CMPK1: variants seen among roughly 807,000 people sequenced by gnomAD.
The protein encoded by CMPK1 is cytidine/uridine monophosphate kinase 1.
CMPK1 carries 10 observed loss-of-function variants against 25.7 expected under a neutral mutation model. That is an observed-to-expected ratio of 0.39 (90% CI 0.24 to 0.66). The LOEUF is 0.66. Among genes scored for constraint, CMPK1 ranks in the 30% least tolerant of loss-of-function variants. The pLI is 0.48. For synonymous variants in CMPK1, 106 were observed against 101.5 expected (o/e 1.04, Z -0.27); for missense variants, 199 against 280.5 (o/e 0.71, Z 2.08).
chr1:47,343,119 T>A (rs1202386190), intron 1 of CMPK1, among the ~76,000 whole-genome samples: 1 of 151,602 alleles, frequency 6.6e-6, no homozygotes, highest in Non-Finnish European at 1.5e-5. Flanking sequence ...CCCGAGTAGC[T>A]GAGAATACAG....
Position 47,358,392 on chromosome 1 carries a change from C to T in CMPK1, c.172-10077C>T, listed in dbSNP as rs1387575544. ...CCTTCCAAAGTGCTGAGATTACAGG[C>T]ATGAGCCACAGTGCGTAGTCCCTGT... On this transcript the variant is annotated intron_variant, in intron 1 of 5. Transcript: ENST00000371873. 3.1e-6 allele frequency: 4 copies of T among 1,273,386 alleles called. No homozygotes were observed. The African/African-American group carries it at 6.2e-5, about 20-fold the overall frequency. The allele number at this position is 1,273,386 out of a possible 1,614,324, so 78.9% of individuals were successfully genotyped here. A position where few individuals can be genotyped will look rare whatever the true frequency, so the allele number is the denominator to read the frequency against.
intron 1 of CMPK1, among the ~76,000 whole-genome samples, chr1:47,348,109 G>C (rs1646497531): frequency 6.6e-6 from 1 of 152,150 alleles, no homozygotes; most frequent in Admixed American, 6.6e-5. Flanking sequence ...AGTCACGTAG[G>C]AGTACAGTAT....
At chr1:47,371,729 G>A (rs1646679029) in intron 2 of CMPK1, among the ~76,000 whole-genome samples, 1 of 152,128 alleles carries the variant, frequency 6.6e-6, no homozygotes, top group Non-Finnish European at 1.5e-5. Context: ...CTTTCACTAT[G>A]CTCATGCTGC....
chr1:47,337,811 CTA>C, intron 1 of CMPK1, among the ~76,000 whole-genome samples: 1 of 152,016 alleles, frequency 6.6e-6, no homozygotes, highest in African/African-American at 2.4e-5. Context: ...CGGGGTTTCA[CTA>C]TGTTGGCCAG....
chr1:47,357,925 G>A (rs1646573785), intron 1 of CMPK1, among the ~76,000 whole-genome samples: 1 of 151,970 alleles, frequency 6.6e-6, no homozygotes, highest in Non-Finnish European at 1.5e-5. Flanking sequence ...ACAGGAACTT[G>A]GGGCACGTTC....
chr1:47,343,896 A>AT (rs1646463503), intron 1 of CMPK1, among the ~76,000 whole-genome samples: 1 of 152,062 alleles, frequency 6.6e-6, no homozygotes, highest in Non-Finnish European at 1.5e-5. Context: ...CAAAAAAAAA[A>AT]AAAAGCCCAT....
At chr1:47,362,461 C>A (rs932517641) in intron 1 of CMPK1, among the ~76,000 whole-genome samples, 1 of 151,706 alleles carries the variant, frequency 6.6e-6, no homozygotes, top group African/African-American at 2.4e-5. Flanking sequence ...AACCACCACG[C>A]CCAGCCTGGA....
intron 2 of CMPK1, among the ~76,000 whole-genome samples, chr1:47,369,706 C>T (rs1013463914): frequency 6.6e-6 from 1 of 151,276 alleles, no homozygotes; most frequent in Non-Finnish European, 1.5e-5. Flanking sequence ...GGACTACAGG[C>T]GTGCACCACC....
At chr1:47,368,723 G>T (rs1646656756) in intron 2 of CMPK1, 108 bp downstream of exon 2, 13 of 1,034,006 alleles carry the variant, frequency 1.3e-5, no homozygotes, top group Non-Finnish European at 1.6e-5. Flanking sequence ...ATTTTGGGAA[G>T]CCAAAGCAAG....
At chr1:47,371,045 A>G (rs1646675117) in intron 2 of CMPK1, among the ~76,000 whole-genome samples, 2 of 152,182 alleles carry the variant, frequency 1.3e-5, no homozygotes, top group African/African-American at 4.8e-5. Flanking sequence ...AGATTCCTAG[A>G]ACTATAATCA....
chr1:47,345,706 C>T lies in CMPK1; in HGVS notation c.171+11590C>T, dbSNP rs182577029. ...TCTCCTGACCTCGTGATCCCCCCAC[C>T]TCGGCCTCCCAAAGTGCTGGGATTA... On this transcript the variant is annotated intron_variant, in intron 1 of 5. Transcript: ENST00000371873. Among the ~76,000 whole-genome samples the T allele has an allele frequency of 2.0e-5, 3 of 150,986 alleles. No homozygotes were observed. In the East Asian group the frequency reaches 5.9e-4, roughly 30 times the overall value.
intron 2 of CMPK1, among the ~76,000 whole-genome samples, chr1:47,369,422 T>A (rs1450622986): frequency 6.6e-6 from 1 of 152,250 alleles, no homozygotes; most frequent in Non-Finnish European, 1.5e-5. Context: ...TGCTTTGATT[T>A]AGGATCACCT....
chr1:47,370,472 C>T (rs901244708), intron 2 of CMPK1, among the ~76,000 whole-genome samples: 3 of 150,930 alleles, frequency 2.0e-5, no homozygotes, highest in African/African-American at 7.3e-5. Flanking sequence ...AACCCCGTCT[C>T]TACCAAAAAA....
At position 47,374,785 on chromosome 1, in the gene CMPK1, A is replaced by G. The variant is rs1646696726; in HGVS notation, c.472-124A>G. On this transcript the variant is annotated intron_variant, in intron 3 of 5. Coordinates refer to ENST00000371873, the MANE Select transcript of CMPK1 (RefSeq NM_016308.3). ...AAGGACTTTGCATGTTGATTAATGA[A>G]TTAGACACATTGGGTTTATTGCAGG... 5 of 616,584 alleles carry G rather than the reference A, an allele frequency of 8.1e-6. No individual in the cohort carries two copies. In the South Asian group the frequency reaches 1.1e-4, roughly 14 times the overall value. The allele number at this position is 616,584 out of a possible 1,614,324, so 38.2% of individuals were successfully genotyped here.
chr1:47,372,935 A>G lies in CMPK1; in HGVS notation c.319-20A>G, dbSNP rs1359879838. 1 of 1,597,294 alleles carries G rather than the reference A, an allele frequency of 6.3e-7. No individual in the cohort carries two copies. Among genetic ancestry groups the G allele is most frequent in the Non-Finnish European group, 8.5e-7 (1 of 1,174,278 alleles). The stretch of plus-strand genomic sequence containing the variant: ...ATTTTGTTAATGTTGTATTGAACCT[A>G]AATCTTCTTTTTCCTTTAGGAAATG... On this transcript the variant is annotated intron_variant, in intron 2 of 5. Transcript: ENST00000371873.
At position 47,345,318 on chromosome 1, in the gene CMPK1, GT is replaced by G. The variant is rs568692316; in HGVS notation, c.171+11213del. On this transcript the variant is annotated intron_variant, in intron 1 of 5. Transcript: ENST00000371873. ...AGTTTATGATGCCCTTAGTGTCTCAGTTTTTTTTTTTCATAGAAACTCTAGT... is the reference window on the plus strand; with the variant it reads ...AGTTTATGATGCCCTTAGTGTCTCAGTTTTTTTTTTCATAGAAACTCTAGT... 5.4e-3 allele frequency among the ~76,000 whole-genome samples: 799 copies of G among 146,962 alleles called. 2 individuals are homozygous for G. The highest frequency in any genetic ancestry group is 7.9e-3 in the Non-Finnish European group (526 of 66,468).
intron 1 of CMPK1, among the ~76,000 whole-genome samples, chr1:47,355,612 C>CT (rs1646555147): frequency 6.6e-6 from 1 of 151,380 alleles, no homozygotes; most frequent in African/African-American, 2.4e-5. Flanking sequence ...CATGCCCGGC[C>CT]TTTTTTTCTG....
chr1:47,338,619 C>CT (rs1190376608), intron 1 of CMPK1, among the ~76,000 whole-genome samples: 1,959 of 102,942 alleles, frequency 0.019, 27 homozygotes, highest in East Asian at 0.041. Flanking sequence ...TTCTTCTTTT[C>CT]TTTTTTTTTT....
intron 1 of CMPK1, among the ~76,000 whole-genome samples, chr1:47,364,769 T>A (rs1646627656): frequency 6.6e-6 from 1 of 150,660 alleles, no homozygotes; most frequent in African/African-American, 2.4e-5. Flanking sequence ...TGAATTTATA[T>A]ATGTTTTGTT....
Sources: gnomAD v4.1 joint callset for allele counts (sites outside exome capture counted in the v4.1 genomes callset) on GRCh38, gnomAD v4.1.1 for gene constraint, MANE v1.5 for transcripts, NCBI Gene and HGNC (gene_info 2026-07-23, HGNC 2026-07-21) for gene names.